Variants in CIBAR1 observed in about 807,000 individuals in gnomAD.
The protein encoded by CIBAR1 is CBY1 interacting BAR domain containing 1, also known as CBY1-interacting BAR domain-containing protein 1.
A neutral mutation model predicts 44.0 loss-of-function variants in CIBAR1; 25 were observed. That is an observed-to-expected ratio of 0.57 (90% CI 0.41 to 0.79). The LOEUF (loss-of-function observed/expected upper bound fraction) is 0.79. CIBAR1 is among the 30% of genes least tolerant of loss of function. The probability of loss-of-function intolerance (pLI) is 0.00; values close to 1 mark genes in which losing one functional copy is unlikely to be tolerated. For missense variants in CIBAR1, 278 were observed against 344.8 expected (o/e 0.81, Z 1.53); for synonymous variants, 115 against 119.0 (o/e 0.97, Z 0.22).
At position 93,729,221 on chromosome 8, in the gene CIBAR1, CAG is replaced by C. The variant is rs1811688840; in HGVS notation, c.*926_*927del. ...AATTAGAAAATGCAATTATTCATAA[CAG>C]AAAAATAAAGACTTTCTAGAAAGCT... On this transcript the variant is annotated 3_prime_UTR_variant, in exon 9 of 9. Transcript: ENST00000518322. 1 of 152,118 alleles carries C rather than the reference CAG, an allele frequency of 6.6e-6. No individual in the cohort carries two copies. Among genetic ancestry groups the C allele is most frequent in the East Asian group, 1.9e-4 (1 of 5,188 alleles). The allele number at this position is 152,118 out of a possible 1,614,324, so 9.4% of individuals were successfully genotyped here. A position where few individuals can be genotyped will look rare whatever the true frequency, so the allele number is the denominator to read the frequency against.
At chr8:93,723,771 AGAC>A (rs748160396) in intron 7 of CIBAR1, among the ~76,000 whole-genome samples, 4 of 152,152 alleles carry the variant, frequency 2.6e-5, no homozygotes, top group African/African-American at 4.8e-5. Context: ...GGTGCTACTC[AGAC>A]AACAGGGGAA....
intron 2 of CIBAR1, among the ~76,000 whole-genome samples, chr8:93,702,715 T>G (rs961606975): frequency 1.3e-5 from 2 of 152,146 alleles, no homozygotes; most frequent in Non-Finnish European, 2.9e-5. Context: ...CTAACATGTT[T>G]TAAAATGAAA....
At chr8:93,711,777 G>A (rs1810833229) in intron 6 of CIBAR1, among the ~76,000 whole-genome samples, 1 of 152,124 alleles carries the variant, frequency 6.6e-6, no homozygotes, top group Non-Finnish European at 1.5e-5. Flanking sequence ...ATTTACACAT[G>A]GAAATTTGTC....
chr8:93,723,284 C>T (rs922665788), intron 7 of CIBAR1, among the ~76,000 whole-genome samples: 13 of 152,208 alleles, frequency 8.5e-5, no homozygotes, highest in East Asian at 5.8e-4. Flanking sequence ...GCGTGAGCCA[C>T]GGTGCCCGGC....
intron 7 of CIBAR1, among the ~76,000 whole-genome samples, chr8:93,725,457 G>C (rs1206499366): frequency 6.6e-6 from 1 of 152,100 alleles, no homozygotes; most frequent in Non-Finnish European, 1.5e-5. Flanking sequence ...AAAAGACCTT[G>C]GTGATGTGAG....
chr8:93,701,531 T>C (rs988135691), intron 2 of CIBAR1, 73 bp downstream of exon 2: 2 of 1,332,658 alleles, frequency 1.5e-6, no homozygotes, highest in Admixed American at 2.1e-5. Flanking sequence ...CGTGGAAACT[T>C]TCACTTGTAA....
At chr8:93,720,268 C>T (rs1197430941) in intron 7 of CIBAR1, among the ~76,000 whole-genome samples, 5 of 152,126 alleles carry the variant, frequency 3.3e-5, no homozygotes, top group Admixed American at 3.3e-4. Context: ...AGGCGTGAGC[C>T]ACTGCGCCTG....
intron 6 of CIBAR1, among the ~76,000 whole-genome samples, chr8:93,714,575 A>G (rs2130337404): frequency 6.6e-6 from 1 of 152,238 alleles, no homozygotes; most frequent in Non-Finnish European, 1.5e-5. Flanking sequence ...ATCTTTTATA[A>G]TAAAGAGGGA....
At chr8:93,724,688 C>T (rs898773592) in intron 7 of CIBAR1, 6 of 1,157,860 alleles carry the variant, frequency 5.2e-6, no homozygotes, top group Middle Eastern at 2.4e-4. Context: ...TAGAGCTACA[C>T]GGTTCAGTAA....
At chr8:93,710,291 AC>A (rs1810770991) in intron 6 of CIBAR1, among the ~76,000 whole-genome samples, 1 of 142,836 alleles carries the variant, frequency 7.0e-6, no homozygotes, top group Non-Finnish European at 1.5e-5. Flanking sequence ...TGCCCACCCC[AC>A]CCCACAACAA....
rs1344351011 is a variant in CIBAR1, at chr8:93,724,692, T to G, written c.658-1702T>G. 3 of 1,148,426 alleles carry G rather than the reference T, an allele frequency of 2.6e-6. No homozygotes were observed. The African/African-American group carries it at 4.9e-5, about 19-fold the overall frequency. 71.1% of individuals were successfully genotyped at this position (1,148,426 alleles called of 1,614,324 possible). A position where few individuals can be genotyped will look rare whatever the true frequency, so the allele number is the denominator to read the frequency against. ...AATAGCTAATCTAGAGCTACACGGT[T>G]CAGTAAAGTAGCCATTAGGCATATA... On this transcript the variant is annotated intron_variant, in intron 7 of 8. Transcript: ENST00000518322.
chr8:93,702,338 A>G lies in CIBAR1; in HGVS notation c.261+880A>G, dbSNP rs921257871. The G allele has an allele frequency of 3.3e-5, 13 of 395,282 alleles. No individual in the cohort carries two copies. The East Asian group carries it at 6.6e-4, about 20-fold the overall frequency. 24.5% of individuals were successfully genotyped at this position (395,282 alleles called of 1,614,324 possible). On this transcript the variant is annotated intron_variant, in intron 2 of 8. Transcript: ENST00000518322. Reference sequence around the variant, plus strand: ...ATAAACAAGTAACTCTCAATTATATATGATAACTGGGGACTTAATGTTTCA... The same window carrying G: ...ATAAACAAGTAACTCTCAATTATATGTGATAACTGGGGACTTAATGTTTCA...
At chr8:93,718,070 C>T (rs961558276) in intron 6 of CIBAR1, among the ~76,000 whole-genome samples, 9 of 152,172 alleles carry the variant, frequency 5.9e-5, no homozygotes, top group African/African-American at 2.2e-4. Flanking sequence ...AACCTTGTAG[C>T]CTTAGAATCA....
Position 93,728,911 on chromosome 8 carries a change from C to T in CIBAR1, c.*614C>T, listed in dbSNP as rs1452253223. The T allele has an allele frequency of 6.6e-6, 1 of 151,972 alleles. No individual in the cohort carries two copies. The highest frequency in any genetic ancestry group is 2.4e-5 in the African/African-American group (1 of 41,406). The allele number at this position is 151,972 out of a possible 1,614,324, so 9.4% of individuals were successfully genotyped here. A position where few individuals can be genotyped will look rare whatever the true frequency, so the allele number is the denominator to read the frequency against. On this transcript the variant is annotated 3_prime_UTR_variant, in exon 9 of 9. Coordinates refer to ENST00000518322, the MANE Select transcript of CIBAR1 (RefSeq NM_145269.5). ...ATTCAATCTGACTCTGGTTTTAAAA[C>T]AAAACTGCTGTCATAATTATACATG...
chr8:93,729,355 T>C lies in CIBAR1; in HGVS notation c.*1058T>C, dbSNP rs1811696545. On this transcript the variant is annotated 3_prime_UTR_variant, in exon 9 of 9. Transcript: ENST00000518322. ...ACTTTTTTGTAAAATATTTAAAACA[T>C]TTTAAAACCCTAAATTGATATTCTT... The C allele has an allele frequency of 6.6e-6, 1 of 152,150 alleles. No homozygotes were observed. The highest frequency in any genetic ancestry group is 6.6e-5 in the Admixed American group (1 of 15,266). The allele number at this position is 152,150 out of a possible 1,614,324, so 9.4% of individuals were successfully genotyped here.
chr8:93,709,455 G>A (rs1810733232), intron 5 of CIBAR1, among the ~76,000 whole-genome samples: 1 of 152,094 alleles, frequency 6.6e-6, no homozygotes, highest in Admixed American at 6.6e-5. Flanking sequence ...GAAAATATGG[G>A]AGATGGTTTT....
intron 4 of CIBAR1, among the ~76,000 whole-genome samples, 180 bp from the exon 5 acceptor site, chr8:93,707,831 A>G (rs1308391932): frequency 6.6e-6 from 1 of 152,214 alleles, no homozygotes; most frequent in Non-Finnish European, 1.5e-5. Context: ...TTAAGTACTT[A>G]GTATCTTGAA....
chr8:93,718,145 C>G (rs914468179), intron 6 of CIBAR1, among the ~76,000 whole-genome samples: 1 of 152,182 alleles, frequency 6.6e-6, no homozygotes, highest in African/African-American at 2.4e-5. Flanking sequence ...TAAACTAGAA[C>G]GCTCTATGCA....
At chr8:93,725,139 C>G (rs1811428194) in intron 7 of CIBAR1, among the ~76,000 whole-genome samples, 2 of 152,034 alleles carry the variant, frequency 1.3e-5, no homozygotes, top group Non-Finnish European at 2.9e-5. Flanking sequence ...TGCACCACCA[C>G]CCCTGGCTGA....
Sources: allele counts gnomAD v4.1 joint callset (sites outside exome capture counted in the v4.1 genomes callset), GRCh38; gene constraint gnomAD v4.1.1; transcripts MANE v1.5; gene names NCBI Gene and HGNC (gene_info 2026-07-23, HGNC 2026-07-21).